The following ZBTB20 variants were observed in gnomAD, a reference collection of about 807,000 sequenced individuals.
ZBTB20 encodes zinc finger and BTB domain-containing protein 20.
Under a neutral mutation model 56.9 loss-of-function variants are expected in ZBTB20, and 9 were observed. The observed-to-expected ratio is 0.16, with a 90% CI of 0.10 to 0.28. The LOEUF (loss-of-function observed/expected upper bound fraction) is 0.28, where lower values mean the gene tolerates loss of function less well. Among genes scored for constraint, ZBTB20 ranks in the 10% least tolerant of loss-of-function variants. The pLI, the probability that ZBTB20 is intolerant of heterozygous loss-of-function variation, is 1.00. For synonymous variants in ZBTB20, 417 were observed against 420.7 expected (o/e 0.99, Z 0.11); for missense variants, 655 against 1,003.0 (o/e 0.65, Z 4.69).
At chr3:114,676,491 T>C (rs1333974258) in intron 6 of ZBTB20, among the ~76,000 whole-genome samples, 3 of 152,192 alleles carry the variant, frequency 2.0e-5, no homozygotes, top group Non-Finnish European at 2.9e-5. Context: ...AATCCCTTTT[T>C]CCAATTAGAT....
In ZBTB20 at chr3:114,872,489, A is replaced by C. The variant is rs149823528; in HGVS notation, c.-417+27815T>G. On this transcript the variant is annotated intron_variant, in intron 4 of 11. Transcript: ENST00000675478. ...AGCACATAAGAAAGAGAACAGGAAG[A>C]AATAAAACTGTAAAGATGTAATGGG... 6.5e-3 allele frequency among the ~76,000 whole-genome samples: 993 copies of C among 152,218 alleles called. 12 individuals carry two copies. Among genetic ancestry groups the C allele is most frequent in the African/African-American group, 0.023 (953 of 41,560 alleles).
intron 1 of ZBTB20, among the ~76,000 whole-genome samples, chr3:115,096,262 T>C (rs2083377296): frequency 6.6e-6 from 1 of 152,196 alleles, no homozygotes; most frequent in Non-Finnish European, 1.5e-5. Context: ...ATGTAGGTAA[T>C]ACCTGATTTC....
chr3:114,644,039 AT>A (rs1479233793), intron 6 of ZBTB20, among the ~76,000 whole-genome samples: 1 of 152,112 alleles, frequency 6.6e-6, no homozygotes, highest in Non-Finnish European at 1.5e-5. Flanking sequence ...AAAATGAACA[AT>A]AAAAAACCTT....
At chr3:114,915,370 T>A (rs2107728743) in intron 3 of ZBTB20, among the ~76,000 whole-genome samples, 1 of 152,060 alleles carries the variant, frequency 6.6e-6, no homozygotes, top group East Asian at 1.9e-4. Context: ...AATAGTTGCT[T>A]ATAGTAGCTT....
At chr3:114,743,581 C>T (rs1223044148) in intron 5 of ZBTB20, 2 of 154,078 alleles carry the variant, frequency 1.3e-5, no homozygotes, top group African/African-American at 4.8e-5. Context: ...CCATATCATC[C>T]TTAGGGCAGT....
chr3:114,592,564 A>G (rs545029913), intron 6 of ZBTB20, among the ~76,000 whole-genome samples: 87 of 152,226 alleles, frequency 5.7e-4, no homozygotes, highest in Non-Finnish European at 1.9e-4. Flanking sequence ...ACCACAAACT[A>G]GTAAGCTGAA....
At chr3:115,034,251 A>C (rs1387471804) in intron 2 of ZBTB20, among the ~76,000 whole-genome samples, 6 of 151,756 alleles carry the variant, frequency 4.0e-5, no homozygotes, top group South Asian at 2.1e-4. Context: ...GAAAAAAAGA[A>C]ATGAAAGGCA....
chr3:114,950,702 G>T (rs1436251901), intron 3 of ZBTB20, among the ~76,000 whole-genome samples: 2 of 152,074 alleles, frequency 1.3e-5, no homozygotes, highest in Non-Finnish European at 2.9e-5. Context: ...TGTAAAACAA[G>T]ACATGTAGTA....
intron 1 of ZBTB20, among the ~76,000 whole-genome samples, chr3:115,134,436 T>G (rs778338890): frequency 8.5e-5 from 13 of 152,132 alleles, no homozygotes; most frequent in Non-Finnish European, 1.9e-4. Flanking sequence ...CCACTGTAAT[T>G]CCTATTATTC....
At chr3:115,078,339 T>C (rs1038618710) in intron 1 of ZBTB20, among the ~76,000 whole-genome samples, 5 of 152,154 alleles carry the variant, frequency 3.3e-5, no homozygotes, top group Non-Finnish European at 7.4e-5. Flanking sequence ...GCCAGAACTC[T>C]GGTAAACCAT....
At chr3:114,778,084 G>T (rs2069753923) in intron 5 of ZBTB20, among the ~76,000 whole-genome samples, 1 of 124,832 alleles carries the variant, frequency 8.0e-6, no homozygotes, top group African/African-American at 2.8e-5. Flanking sequence ...ATCACACACT[G>T]GGGACTGTTG....
At chr3:114,399,400 T>C (rs928905393) in intron 7 of ZBTB20, among the ~76,000 whole-genome samples, 4 of 152,198 alleles carry the variant, frequency 2.6e-5, no homozygotes, top group South Asian at 2.1e-4. Context: ...TTATTTAACA[T>C]GTGAAATAGA....
intron 6 of ZBTB20, among the ~76,000 whole-genome samples, chr3:114,633,069 C>T (rs2059049234): frequency 6.6e-6 from 1 of 152,148 alleles, no homozygotes; most frequent in Admixed American, 6.5e-5. Context: ...ATGTAATCAC[C>T]TATTTCTAAG....
intron 6 of ZBTB20, among the ~76,000 whole-genome samples, chr3:114,576,794 C>G (rs74285310): frequency 1.3e-5 from 2 of 151,214 alleles, no homozygotes; most frequent in African/African-American, 4.9e-5. Context: ...TCAAAAAAGA[C>G]AGAGAGTGAG....
chr3:114,560,434 C>T (rs1185246607), intron 6 of ZBTB20, among the ~76,000 whole-genome samples: 3 of 152,078 alleles, frequency 2.0e-5, no homozygotes, highest in African/African-American at 7.2e-5. Context: ...GCAACTATGT[C>T]CATGAATTAG....
At chr3:114,404,542 T>A (rs2087121436) in intron 7 of ZBTB20, among the ~76,000 whole-genome samples, 1 of 152,122 alleles carries the variant, frequency 6.6e-6, no homozygotes, top group African/African-American at 2.4e-5. Context: ...AATAAAAGCT[T>A]ATATCAATAA....
Position 114,664,599 on chromosome 3 carries a change from T to C in ZBTB20, c.-295+28929A>G, listed in dbSNP as rs1578225880. ...CTCATAGGTCTATTATTTGCCCACC[T>C]CCCCAACACACACACACACACACAC... On this transcript the variant is annotated intron_variant, in intron 6 of 11. Transcript: ENST00000675478. Among the ~76,000 whole-genome samples, 3 of 134,234 alleles carry C rather than the reference T, an allele frequency of 2.2e-5. No individual in the cohort carries two copies. The South Asian group carries it at 7.2e-4, about 32-fold the overall frequency. 88.1% of individuals were successfully genotyped at this position (134,234 alleles called of 152,430 possible). A position where few individuals can be genotyped will look rare whatever the true frequency, so the allele number is the denominator to read the frequency against.
At chr3:115,015,268 A>G (rs1321791240) in intron 2 of ZBTB20, among the ~76,000 whole-genome samples, 1 of 151,850 alleles carries the variant, frequency 6.6e-6, no homozygotes, top group African/African-American at 2.4e-5. Flanking sequence ...TTTCATTCCT[A>G]TAAGATACAT....
intron 2 of ZBTB20, among the ~76,000 whole-genome samples, chr3:115,059,397 C>A (rs1209530601): frequency 6.6e-6 from 1 of 152,158 alleles, no homozygotes; most frequent in African/African-American, 2.4e-5. Context: ...TTAGGCCCTA[C>A]TGAAAAAGAA....
Sources: allele counts gnomAD v4.1 joint callset (sites outside exome capture counted in the v4.1 genomes callset), GRCh38; gene constraint gnomAD v4.1.1; transcripts MANE v1.5; gene names NCBI Gene and HGNC (gene_info 2026-07-23, HGNC 2026-07-21).